Variants in RANBP17 observed in about 807,000 individuals in gnomAD.
RANBP17 encodes RAN binding protein 17.
RANBP17 carries 158 observed loss-of-function variants against 141.2 expected under a neutral mutation model. That is an observed-to-expected ratio of 1.12 (90% CI 0.98 to 1.28). The LOEUF (loss-of-function observed/expected upper bound fraction) is 1.28, where lower values mean the gene tolerates loss of function less well. Ranked by LOEUF, RANBP17 falls within the 50% of genes most tolerant of loss-of-function variation. The pLI, the probability that RANBP17 is intolerant of heterozygous loss-of-function variation, is 0.00. For missense variants in RANBP17, 1,438 were observed against 1,290.7 expected (o/e 1.11, Z -1.75); for synonymous variants, 430 against 450.0 (o/e 0.96, Z 0.56).
intron 20 of RANBP17, among the ~76,000 whole-genome samples, chr5:171,210,920 G>A (rs949054524): frequency 2.0e-5 from 3 of 149,160 alleles, no homozygotes; most frequent in Non-Finnish European, 4.4e-5. Flanking sequence ...CAGGAAAATC[G>A]CTTGAACCCA....
At chr5:171,046,969 C>T (rs1342982364) in intron 14 of RANBP17, among the ~76,000 whole-genome samples, 1 of 149,900 alleles carries the variant, frequency 6.7e-6, no homozygotes, top group African/African-American at 2.5e-5. Flanking sequence ...TTATTTTTGC[C>T]ATTTTAATGG....
chr5:170,904,291 G>GA, intron 5 of RANBP17: 1 of 259,174 alleles, frequency 3.9e-6, no homozygotes, highest in Non-Finnish European at 7.9e-6. Flanking sequence ...GGCTCTACAA[G>GA]AAAAAAGCTC....
At chr5:171,027,991 T>C (rs1002874596) in intron 14 of RANBP17, among the ~76,000 whole-genome samples, 1 of 152,048 alleles carries the variant, frequency 6.6e-6, no homozygotes, top group Non-Finnish European at 1.5e-5. Flanking sequence ...TGAGGTAAAA[T>C]GGAATTTTTT....
At chr5:170,945,228 C>A (rs1337262301) in intron 12 of RANBP17, among the ~76,000 whole-genome samples, 1 of 152,064 alleles carries the variant, frequency 6.6e-6, no homozygotes, top group African/African-American at 2.4e-5. Flanking sequence ...TGTAATAAGC[C>A]TCTTTGGTAG....
At chr5:171,092,590 G>A (rs1321843083) in intron 14 of RANBP17, among the ~76,000 whole-genome samples, 1 of 152,170 alleles carries the variant, frequency 6.6e-6, no homozygotes, top group Non-Finnish European at 1.5e-5. Context: ...TAAAATGAGG[G>A]CTGACACTGG....
chr5:171,081,166 G>A (rs1785238378), intron 14 of RANBP17, among the ~76,000 whole-genome samples: 1 of 152,008 alleles, frequency 6.6e-6, no homozygotes, highest in Admixed American at 6.6e-5. Context: ...GTGTCTCTGA[G>A]GACAGGCACT....
Position 170,919,437 on chromosome 5 carries a change from G to T in RANBP17, c.1102-4G>T, listed in dbSNP as rs748262163. Reference sequence around the variant, plus strand: ...TAAATAACTTCTGCTTTATTTCTTTGTAGCACTGGGAATTTGCTCCTAACA... The same window carrying T: ...TAAATAACTTCTGCTTTATTTCTTTTTAGCACTGGGAATTTGCTCCTAACA... On this transcript the variant is annotated splice_region_variant and splice_polypyrimidine_tract_variant and intron_variant, in intron 10 of 27. Coordinates refer to ENST00000523189, the MANE Select transcript of RANBP17 (RefSeq NM_022897.5). 1.3e-6 allele frequency: 2 copies of T among 1,548,510 alleles called. No homozygotes were observed. Among genetic ancestry groups the T allele is most frequent in the South Asian group, 1.2e-5 (1 of 80,128 alleles).
intron 25 of RANBP17, among the ~76,000 whole-genome samples, chr5:171,272,077 C>T (rs984584516): frequency 1.3e-5 from 2 of 152,116 alleles, no homozygotes; most frequent in South Asian, 2.1e-4. Flanking sequence ...TTATCCTAAG[C>T]GAACTAACGC....
chr5:171,259,921 C>T (rs1766175456), intron 24 of RANBP17, among the ~76,000 whole-genome samples: 1 of 151,612 alleles, frequency 6.6e-6, no homozygotes, highest in Admixed American at 6.6e-5. Flanking sequence ...GTAGAGGTTG[C>T]GACAAACCGA....
chr5:171,246,809 A>T (rs1405072210), intron 24 of RANBP17, among the ~76,000 whole-genome samples: 1 of 152,220 alleles, frequency 6.6e-6, no homozygotes, highest in African/African-American at 2.4e-5. Context: ...TTGTGTGACC[A>T]TGGGCACATG....
At chr5:171,273,163 C>T (rs1736590440) in intron 25 of RANBP17, among the ~76,000 whole-genome samples, 1 of 152,180 alleles carries the variant, frequency 6.6e-6, no homozygotes, top group African/African-American at 2.4e-5. Flanking sequence ...CATCTCTCTC[C>T]CGTATCCAGC....
chr5:171,035,729 C>CTTTTTTTTTT (rs1781831017), intron 14 of RANBP17, among the ~76,000 whole-genome samples: 2 of 72,398 alleles, frequency 2.8e-5, no homozygotes, highest in African/African-American at 1.0e-4. Context: ...CTGTTTGTTT[C>CTTTTTTTTTT]TTTTTTTGTT....
intron 14 of RANBP17, among the ~76,000 whole-genome samples, chr5:171,157,578 A>G (rs1057169691): frequency 1.3e-5 from 2 of 152,248 alleles, no homozygotes; most frequent in African/African-American, 4.8e-5. Context: ...ATGTGGCAAC[A>G]TATTTGCTGA....
chr5:171,076,728 GTC>G (rs1374281670), intron 14 of RANBP17, among the ~76,000 whole-genome samples: 3 of 152,104 alleles, frequency 2.0e-5, no homozygotes, highest in Non-Finnish European at 2.9e-5. Flanking sequence ...ATGTAGAAAA[GTC>G]TCTGTTGATA....
chr5:171,230,425 C>G (rs564953823), intron 22 of RANBP17, among the ~76,000 whole-genome samples: 1 of 152,130 alleles, frequency 6.6e-6, no homozygotes, highest in Non-Finnish European at 1.5e-5. Flanking sequence ...CAGTGAGAGA[C>G]GCCCAGTTAG....
intron 1 of RANBP17, among the ~76,000 whole-genome samples, chr5:170,867,364 C>G (rs1378601176): frequency 6.6e-6 from 1 of 151,926 alleles, no homozygotes; most frequent in East Asian, 1.9e-4. Flanking sequence ...ATACATACTT[C>G]ACAAGAGCCT....
chr5:171,255,034 T>C (rs1765800051), intron 24 of RANBP17, among the ~76,000 whole-genome samples: 1 of 152,222 alleles, frequency 6.6e-6, no homozygotes, highest in South Asian at 2.1e-4. Flanking sequence ...GGAAGAAAAT[T>C]ATAATATTTA....
rs148457967 is a variant in RANBP17, at chr5:170,911,059, G to T, written c.685G>T (p.Asp229Tyr). Reference protein sequence around the residue: ...LKLVLNCLNFDFIGSSADESA... With the variant: ...LKLVLNCLNFYFIGSSADESA... ...ACTGGTCCTTAACTGCCTTAACTTT[G>T]ACTTCATTGGCAGTTCAGCAGATGA... Residue 229 changes from aspartate to tyrosine, a missense_variant, in exon 7 of 28, where the codon GAC (aspartate) becomes TAC (tyrosine). Asp to Tyr is a radical substitution (Grantham distance 160). Transcript: ENST00000523189. 2 of 1,611,994 alleles carry T rather than the reference G, an allele frequency of 1.2e-6. No homozygotes were observed. Among genetic ancestry groups the T allele is most frequent in the South Asian group, 2.2e-5 (2 of 91,002 alleles).
chr5:171,191,892 T>G (rs1465387598), intron 18 of RANBP17, among the ~76,000 whole-genome samples: 4 of 152,202 alleles, frequency 2.6e-5, no homozygotes, highest in African/African-American at 7.2e-5. Context: ...ATGATTGATT[T>G]GGGGCTTGGG....
Sources: allele counts gnomAD v4.1 joint callset (sites outside exome capture counted in the v4.1 genomes callset), GRCh38; gene constraint gnomAD v4.1.1; transcripts MANE v1.5; gene names NCBI Gene and HGNC (gene_info 2026-07-23, HGNC 2026-07-21).